Variants in CR1 observed in about 807,000 individuals in gnomAD.
CR1 encodes complement receptor type 1.
CR1 carries 116 observed loss-of-function variants against 187.3 expected under a neutral mutation model. The ratio of observed to expected loss-of-function variants is 0.62; its 90% CI spans 0.53 to 0.72. CR1 has a LOEUF of 0.72. Among genes scored for constraint, CR1 ranks in the 30% least tolerant of loss-of-function variants. CR1 has a pLI of 0.00. For synonymous variants in CR1, 576 were observed against 747.1 expected, an observed-to-expected ratio of 0.77 and a Z score of 3.73; for missense variants, 1,731 against 2,110.7, an observed-to-expected ratio of 0.82 and a Z score of 3.52.
Position 207,574,800 on chromosome 1 carries a change from C to A in CR1, c.4452-795C>A, listed in dbSNP as rs192060250. On this transcript the variant is annotated intron_variant, in intron 27 of 46. Coordinates refer to ENST00000367049, the MANE Select transcript of CR1 (RefSeq NM_000651.6). ...TATCCATGTGTGTAATATACATGCA[C>A]ATATATAAAATGAAATTCCTCATTA... 2.0e-5 allele frequency among the ~76,000 whole-genome samples: 3 copies of A among 152,142 alleles called. No homozygotes were observed. In the South Asian group the frequency reaches 6.2e-4, roughly 32 times the overall value.
rs376657387 is a variant in CR1, at chr1:207,617,030, G to T, written c.6889+228G>T. ...TGGGGTGAAGAGTGTGGGATGGTAA[G>T]GAGAGAAGGGGGTGGACAGTGAAGA... On this transcript the variant is annotated intron_variant, in intron 41 of 46. Coordinates refer to ENST00000367049, the MANE Select transcript of CR1 (RefSeq NM_000651.6). Among the ~76,000 whole-genome samples the T allele has an allele frequency of 5.3e-5, 8 of 152,264 alleles. No individual in the cohort carries two copies. In the East Asian group the frequency reaches 1.5e-3, roughly 29 times the overall value.
intron 27 of CR1, among the ~76,000 whole-genome samples, chr1:207,574,750 T>C (rs1201349449): frequency 6.6e-6 from 1 of 152,100 alleles, no homozygotes; most frequent in Non-Finnish European, 1.5e-5. Flanking sequence ...ATTGAGAAAA[T>C]AGGTTTAAAT....
chr1:207,596,896 T>G (rs1661462714), intron 35 of CR1, among the ~76,000 whole-genome samples: 1 of 148,492 alleles, frequency 6.7e-6, no homozygotes, highest in African/African-American at 2.4e-5. Flanking sequence ...TTAACATATT[T>G]TGATTTTATA....
intron 35 of CR1, among the ~76,000 whole-genome samples, chr1:207,597,214 TTAAA>T (rs921572139): frequency 2.6e-5 from 4 of 151,822 alleles, no homozygotes; most frequent in Non-Finnish European, 5.9e-5. Context: ...CATAGAATTG[TTAAA>T]TAAATAAAAA....
At chr1:207,519,570 A>C (rs1299735556) in intron 4 of CR1, among the ~76,000 whole-genome samples, 2 of 152,326 alleles carry the variant, frequency 1.3e-5, no homozygotes, top group South Asian at 2.1e-4. Flanking sequence ...TACCGAAACT[A>C]TTAATAGTTA....
chr1:207,638,052 A>G (rs1394001954), intron 46 of CR1, among the ~76,000 whole-genome samples: 4 of 152,258 alleles, frequency 2.6e-5, no homozygotes, highest in Non-Finnish European at 4.4e-5. Context: ...TGTTTAAAAA[A>G]TTTAAAGTAT....
chr1:207,593,740 A>G (rs1377989603), intron 35 of CR1, among the ~76,000 whole-genome samples: 1 of 152,244 alleles, frequency 6.6e-6, no homozygotes, highest in Non-Finnish European at 1.5e-5. Flanking sequence ...CAGAATCTAC[A>G]AGGAACTTAA....
intron 31 of CR1, 105 bp downstream of exon 31, chr1:207,580,718 A>G (rs533156001): frequency 2.3e-5 from 24 of 1,033,876 alleles, no homozygotes; most frequent in African/African-American, 3.2e-5. Context: ...AGAAGAATCC[A>G]GGGAGATTAA....
intron 41 of CR1, among the ~76,000 whole-genome samples, chr1:207,617,191 A>G (rs1244853329): frequency 1.3e-5 from 2 of 152,054 alleles, no homozygotes; most frequent in African/African-American, 2.4e-5. Flanking sequence ...CTGTGCAAAA[A>G]GTACACATTG....
At chr1:207,512,295 C>G (rs753423245) in intron 4 of CR1, among the ~76,000 whole-genome samples, 8 of 152,018 alleles carry the variant, frequency 5.3e-5, no homozygotes, top group Admixed American at 1.3e-4. Context: ...ATAAAGAATT[C>G]CCTAAGAAAC....
intron 41 of CR1, among the ~76,000 whole-genome samples, chr1:207,617,768 C>A (rs1207268776): frequency 3.3e-5 from 5 of 151,006 alleles, no homozygotes; most frequent in Non-Finnish European, 4.4e-5. Flanking sequence ...CTGCCCACAC[C>A]AGTTCCATCT....
chr1:207,496,424 G>A (rs748631518), intron 1 of CR1, 36 bp downstream of exon 1: 1 of 1,574,114 alleles, frequency 6.4e-7, no homozygotes, highest in Non-Finnish European at 8.6e-7. Context: ...GCGCCCGGGC[G>A]GACGAGGAAC....
Position 207,641,532 on chromosome 1 carries a change from C to G in CR1, c.*2123C>G, listed in dbSNP as rs1480774315. The G allele has an allele frequency of 6.6e-6, 1 of 152,068 alleles. No homozygotes were observed. The highest frequency in any genetic ancestry group is 2.4e-5 in the African/African-American group (1 of 41,402). 9.4% of individuals were successfully genotyped at this position (152,068 alleles called of 1,614,324 possible). On this transcript the variant is annotated 3_prime_UTR_variant, in exon 47 of 47. Coordinates refer to ENST00000367049, the MANE Select transcript of CR1 (RefSeq NM_000651.6). Reference sequence around the variant, plus strand: ...AACTATGAGTAAAATACTATATTGCCTAACTTGTATTATTAAGCAATTCTG... The same window carrying G: ...AACTATGAGTAAAATACTATATTGCGTAACTTGTATTATTAAGCAATTCTG...
rs777537245 is a variant in CR1 at position 207,616,570 on chromosome 1, T to C, written c.6662-5T>C. The stretch of plus-strand genomic sequence containing the variant: ...TAGAACTTAAAGCTCTTGTTTTCTT[T>C]CTAGAAATCTTTTGTCCAAATCCTC... On this transcript the variant is annotated splice_region_variant and splice_polypyrimidine_tract_variant and intron_variant, in intron 40 of 46. Transcript: ENST00000367049. 1.6e-5 allele frequency: 25 copies of C among 1,612,882 alleles called. No homozygotes were observed. Among genetic ancestry groups the C allele is most frequent in the Non-Finnish European group, 2.0e-5 (24 of 1,179,220 alleles).
At chr1:207,511,694 A>T in intron 4 of CR1, 40 bp downstream of exon 4, 1 of 1,575,750 alleles carries the variant, frequency 6.3e-7, no homozygotes, top group Non-Finnish European at 8.7e-7. Context: ...TTACCGACAC[A>T]TTCTAATTTT....
At position 207,586,926 on chromosome 1, in the gene CR1, T is replaced by C. The variant is rs140018719; in HGVS notation, c.5531-460T>C. On this transcript the variant is annotated intron_variant, in intron 33 of 46. Transcript: ENST00000367049. ...GGTAGAGATATCTTTTGGGAGAACA[T>C]CATTCAACTCACTACAAGGGGTACC... Among the ~76,000 whole-genome samples the C allele has an allele frequency of 3.1e-3, 469 of 152,316 alleles. 8 individuals are homozygous for C. Among genetic ancestry groups the C allele is most frequent in the Admixed American group, 0.022 (331 of 15,302 alleles).
Position 207,567,372 on chromosome 1 carries a change from G to T in CR1, c.3953-452G>T, listed in dbSNP as rs192578238. ...AATATCAATAAGTAATCAGTGAAAG[G>T]TTTCACCTATTTAAGATGATTAGCA... On this transcript the variant is annotated intron_variant, in intron 24 of 46. Transcript: ENST00000367049. Among the ~76,000 whole-genome samples the T allele has an allele frequency of 2.1e-4, 32 of 149,778 alleles. 1 individual carries two copies. The highest frequency in any genetic ancestry group is 6.8e-4 in the African/African-American group (27 of 39,444).
chr1:207,632,691 G>A (rs1662682182), intron 46 of CR1, among the ~76,000 whole-genome samples: 1 of 151,612 alleles, frequency 6.6e-6, no homozygotes, highest in South Asian at 2.1e-4. Flanking sequence ...CCAGCTACTC[G>A]GGAGGCTGAG....
rs917368537 is a variant in CR1, at chr1:207,609,541, A to G, written c.6148A>G (p.Ile2050Val). The change falls in exon 37 of 47, where the codon ATT (isoleucine) becomes GTT (valine). Residue 2050 changes from isoleucine (I) to valine (V), a missense_variant. Physicochemically the swap from Ile to Val is conservative, Grantham distance 29. Coordinates refer to ENST00000367049, the MANE Select transcript of CR1 (RefSeq NM_000651.6). ...KCTAPEVENAIRVPGNRSFFT... is the reference protein window; with the variant it reads ...KCTAPEVENAVRVPGNRSFFT... ...CACAGCTCCAGAAGTTGAAAATGCA[A>G]TTAGAGTACCAGGAAACAGGAGTTT... 6 of 1,613,840 alleles carry G rather than the reference A, an allele frequency of 3.7e-6. No homozygotes were observed. The highest frequency in any genetic ancestry group is 1.3e-5 in the African/African-American group (1 of 74,912).
Sources: allele counts gnomAD v4.1 joint callset (sites outside exome capture counted in the v4.1 genomes callset), GRCh38; gene constraint gnomAD v4.1.1; transcripts MANE v1.5; gene names NCBI Gene and HGNC (gene_info 2026-07-23, HGNC 2026-07-21).